Variants in CIRSR observed in about 807,000 individuals in gnomAD.
CIRSR encodes corepressor of RBPJ and splicing regulator.
chr2:174,369,113 T>C, the CIRSR span, among the ~76,000 whole-genome samples: 1 of 152,262 alleles, frequency 6.6e-6, no homozygotes, highest in African/African-American at 2.4e-5. Context: ...TTCATCTACA[T>C]TGAAACTCTG....
chr2:174,389,632 G>A, the CIRSR span, among the ~76,000 whole-genome samples: 3 of 152,260 alleles, frequency 2.0e-5, no homozygotes, highest in Non-Finnish European at 2.9e-5. Context: ...ATGAGAAGTC[G>A]AATGTTAATC....
At chr2:174,376,724 G>A in the CIRSR span, among the ~76,000 whole-genome samples, 3 of 150,754 alleles carry the variant, frequency 2.0e-5, no homozygotes, top group African/African-American at 4.9e-5. Flanking sequence ...CATGAACCTG[G>A]GAGGCGGAGC....
chr2:174,369,020 C>T, the CIRSR span, among the ~76,000 whole-genome samples: 3 of 152,304 alleles, frequency 2.0e-5, no homozygotes, highest in Non-Finnish European at 4.4e-5. Flanking sequence ...GTCAGCTTGT[C>T]CTTTGAAGCT....
the CIRSR span, among the ~76,000 whole-genome samples, chr2:174,353,020 A>G: frequency 6.6e-6 from 1 of 152,352 alleles, no homozygotes; most frequent in East Asian, 1.9e-4. Flanking sequence ...ACCTGTCAAT[A>G]GCAGATGTGG....
the CIRSR span, among the ~76,000 whole-genome samples, chr2:174,359,292 T>C: frequency 6.6e-6 from 1 of 151,458 alleles, no homozygotes; most frequent in Admixed American, 6.6e-5. Flanking sequence ...TGTATACATT[T>C]GTCAAATTCA....
At chr2:174,382,622 G>C in the CIRSR span, among the ~76,000 whole-genome samples, 3 of 152,288 alleles carry the variant, frequency 2.0e-5, no homozygotes, top group South Asian at 4.1e-4. Flanking sequence ...CTGGGCGACA[G>C]AGCCAGGCTC....
At chr2:174,379,071 TA>T in the CIRSR span, 1 of 1,468,984 alleles carries the variant, frequency 6.8e-7, no homozygotes, top group Non-Finnish European at 9.5e-7. Context: ...TTTTGGTTAC[TA>T]AAAAAGTAAG....
At chr2:174,370,162 T>A in the CIRSR span, 1 of 1,006,968 alleles carries the variant, frequency 9.9e-7, no homozygotes, top group Non-Finnish European at 1.4e-6. Context: ...GAAGGAGAGC[T>A]AGCACTCCCA....
At chr2:174,388,620 T>C in the CIRSR span, among the ~76,000 whole-genome samples, 19 of 152,190 alleles carry the variant, frequency 1.2e-4, no homozygotes, top group Admixed American at 1.2e-3. Context: ...TCCAAGATGT[T>C]CTAATATATA....
chr2:174,358,946 A>G, the CIRSR span, among the ~76,000 whole-genome samples: 3 of 151,060 alleles, frequency 2.0e-5, no homozygotes, highest in African/African-American at 4.9e-5. Context: ...TCCTGATTTC[A>G]GCCTCTCAAA....
At chr2:174,379,923 C>A in the CIRSR span, among the ~76,000 whole-genome samples, 1 of 151,878 alleles carries the variant, frequency 6.6e-6, no homozygotes, top group Non-Finnish European at 1.5e-5. Flanking sequence ...CAGGGTTTCA[C>A]CATGTCGGCC....
the CIRSR span, among the ~76,000 whole-genome samples, chr2:174,379,945 G>A: frequency 3.3e-5 from 5 of 151,676 alleles, no homozygotes; most frequent in African/African-American, 7.3e-5. Context: ...GGCTGGTCTC[G>A]AACTCCTGAC....
At chr2:174,357,995 A>C in the CIRSR span, among the ~76,000 whole-genome samples, 1 of 152,210 alleles carries the variant, frequency 6.6e-6, no homozygotes, top group African/African-American at 2.4e-5. Context: ...CTGCCAGTTC[A>C]TCTTAGTGGA....
At chr2:174,354,558 TA>T in the CIRSR span, among the ~76,000 whole-genome samples, 14 of 35,052 alleles carry the variant, frequency 4.0e-4, no homozygotes, top group Middle Eastern at 0.013. Context: ...ATATTATATA[TA>T]TTTTATATAT....
the CIRSR span, chr2:174,380,280 A>G: frequency 6.7e-7 from 1 of 1,484,430 alleles, no homozygotes; most frequent in Non-Finnish European, 9.1e-7. Context: ...TACAAACACA[A>G]TATTAAGAAT....
At chr2:174,362,618 TG>T in the CIRSR span, among the ~76,000 whole-genome samples, 1 of 121,294 alleles carries the variant, frequency 8.2e-6, no homozygotes, top group East Asian at 2.4e-4. Flanking sequence ...GGGAGGGAGG[TG>T]GAACTTGCAG....
the CIRSR span, among the ~76,000 whole-genome samples, chr2:174,360,767 T>G: frequency 6.6e-6 from 1 of 152,162 alleles, no homozygotes; most frequent in Non-Finnish European, 1.5e-5. Flanking sequence ...GTCAACAAAA[T>G]TTCAAGGAAC....
the CIRSR span, among the ~76,000 whole-genome samples, chr2:174,365,656 G>GC: frequency 6.6e-6 from 1 of 152,328 alleles, no homozygotes; most frequent in Admixed American, 6.5e-5. Context: ...AAGAGAGAAA[G>GC]CTTGTGTATG....
the CIRSR span, among the ~76,000 whole-genome samples, chr2:174,355,850 G>C: frequency 6.6e-6 from 1 of 152,164 alleles, no homozygotes; most frequent in Non-Finnish European, 1.5e-5. Flanking sequence ...CACAATTATA[G>C]TATGGCAGTC....
Sources: allele counts gnomAD v4.1 joint callset (sites outside exome capture counted in the v4.1 genomes callset), GRCh38; gene constraint gnomAD v4.1.1; transcripts MANE v1.5; gene names NCBI Gene and HGNC (gene_info 2026-07-23, HGNC 2026-07-21).